Variants in CTNNB1 observed in about 807,000 individuals in gnomAD.
CTNNB1 encodes catenin beta 1.
CTNNB1 carries 6 observed loss-of-function variants against 82.5 expected under a neutral mutation model. The observed-to-expected ratio is 0.07, with a 90% CI of 0.04 to 0.14. The LOEUF (loss-of-function observed/expected upper bound fraction) is 0.14. Ranked by LOEUF, CTNNB1 falls within the 10% of genes least tolerant of loss-of-function variation. CTNNB1 has a pLI of 1.00. For synonymous variants in CTNNB1, 312 were observed against 329.7 expected (o/e 0.95, Z 0.58); for missense variants, 529 against 980.4 (o/e 0.54, Z 6.15).
chr3:41,225,815 C>T lies in CTNNB1; in HGVS notation c.890C>T (p.Thr297Met), dbSNP rs759085197. Reference protein sequence around the residue: ...NKTNVKFLAITTDCLQILAYG... With the variant: ...NKTNVKFLAIMTDCLQILAYG... Reference sequence around the variant, plus strand: ...ACAAATGTTAAATTCTTGGCTATTACGACAGACTGCCTTCAAATTTTAGCT... The same window carrying T: ...ACAAATGTTAAATTCTTGGCTATTATGACAGACTGCCTTCAAATTTTAGCT... The change falls in exon 6 of 15, where the codon ACG (threonine) becomes ATG (methionine). Residue 297 changes from threonine to methionine, a missense_variant. Coordinates refer to ENST00000349496, the MANE Select transcript of CTNNB1 (RefSeq NM_001904.4). The surrounding 1 kb of genome is among the most constrained non-coding windows in gnomAD (Gnocchi z 5.3). The T allele has an allele frequency of 5.6e-6, 9 of 1,613,830 alleles. No homozygotes were observed. Among genetic ancestry groups the T allele is most frequent in the South Asian group, 4.4e-5 (4 of 91,086 alleles).
chr3:41,227,460 T>C (rs1575320507), intron 7 of CTNNB1, 108 bp downstream of exon 7: 1 of 1,184,226 alleles, frequency 8.4e-7, no homozygotes, highest in Non-Finnish European at 1.2e-6. Context: ...AAATAAATGG[T>C]CCTATTCAGT....
At chr3:41,231,124 G>A (rs913414494) in intron 7 of CTNNB1, among the ~76,000 whole-genome samples, 6 of 152,134 alleles carry the variant, frequency 3.9e-5, no homozygotes, top group East Asian at 1.9e-4. Context: ...TCAGGAGATC[G>A]AGACCAGCCT....
intron 1 of CTNNB1, chr3:41,210,920 G>A (rs911223881): frequency 2.2e-5 from 9 of 413,472 alleles, no homozygotes; most frequent in Non-Finnish European, 4.4e-5. Context: ...CTCCCAAGTA[G>A]CTGGGACTAC....
chr3:41,203,818 A>G lies in CTNNB1; in HGVS notation c.-49+4148A>G, dbSNP rs916294680. 9.8e-5 allele frequency among the ~76,000 whole-genome samples: 15 copies of G among 152,332 alleles called. No homozygotes were observed. The South Asian group carries it at 2.9e-3, about 29-fold the overall frequency. ...TAGTAATATTATTTTCTGAAAATCCATGTTTCAAATCAGAATCTAATTAGC... is the reference window on the plus strand; with the variant it reads ...TAGTAATATTATTTTCTGAAAATCCGTGTTTCAAATCAGAATCTAATTAGC... On this transcript the variant is annotated intron_variant, in intron 1 of 14. Coordinates refer to ENST00000349496, the MANE Select transcript of CTNNB1 (RefSeq NM_001904.4).
In CTNNB1 at chr3:41,233,684, T is replaced by A. The variant is rs2125639638; in HGVS notation, c.1341T>A (p.Leu447=). Reference sequence around the variant, plus strand: ...GCCAAGTGGGTGGTATAGAGGCTCTTGTGCGTACTGTCCTTCGGGCTGGTG... The same window carrying A: ...GCCAAGTGGGTGGTATAGAGGCTCTAGTGCGTACTGTCCTTCGGGCTGGTG... ...MVCQVGGIEA[L]VRTVLRAGDR... The change falls in exon 9 of 15, where the codon CTT becomes CTA. Residue 447 remains leucine, a synonymous_variant. Transcript: ENST00000349496. The A allele has an allele frequency of 6.2e-7, 1 of 1,614,160 alleles. No individual in the cohort carries two copies. Among genetic ancestry groups the A allele is most frequent in the East Asian group, 2.2e-5 (1 of 44,864 alleles).
chr3:41,218,049 G>A (rs1320617165), intron 1 of CTNNB1, among the ~76,000 whole-genome samples: 1 of 151,930 alleles, frequency 6.6e-6, no homozygotes, highest in African/African-American at 2.4e-5. Context: ...CATCGATTGG[G>A]CATGGTTTTA....
chr3:41,238,214 T>A lies in CTNNB1; in HGVS notation c.2137+138T>A, dbSNP rs1318390123. On this transcript the variant is annotated intron_variant, in intron 14 of 14. Transcript: ENST00000349496. ...CTTCAATTAAAAGCAGTTCTTAAAT[T>A]CCAGTCAGCAACAGTATCTTTAATG... The A allele has an allele frequency of 5.2e-6, 4 of 771,174 alleles. No homozygotes were observed. The Admixed American group carries it at 7.5e-5, about 14-fold the overall frequency. The allele number at this position is 771,174 out of a possible 1,614,324, so 47.8% of individuals were successfully genotyped here.
At chr3:41,206,117 A>G (rs2077642209) in intron 1 of CTNNB1, among the ~76,000 whole-genome samples, 1 of 152,096 alleles carries the variant, frequency 6.6e-6, no homozygotes, top group South Asian at 2.1e-4. Flanking sequence ...TTTTTCACTA[A>G]TATCCCCACG....
At chr3:41,221,441 A>G (rs1055701972) in intron 1 of CTNNB1, 2 of 151,844 alleles carry the variant, frequency 1.3e-5, no homozygotes, top group Non-Finnish European at 2.9e-5. Context: ...TGAACTCCTA[A>G]GTGATCCTCT....
At chr3:41,226,881 T>C (rs184760671) in intron 6 of CTNNB1, among the ~76,000 whole-genome samples, 48 of 152,328 alleles carry the variant, frequency 3.2e-4, no homozygotes, top group African/African-American at 1.1e-3. Flanking sequence ...GATATAACTT[T>C]CATCTTAGGG....
chr3:41,208,915 C>T (rs1209408460), intron 1 of CTNNB1, among the ~76,000 whole-genome samples: 1 of 152,218 alleles, frequency 6.6e-6, no homozygotes, highest in Admixed American at 6.5e-5. Context: ...CTCACCACCT[C>T]AGTCTCTGCT....
At chr3:41,204,346 G>T (rs1019683743) in intron 1 of CTNNB1, among the ~76,000 whole-genome samples, 11 of 152,078 alleles carry the variant, frequency 7.2e-5, no homozygotes, top group African/African-American at 2.2e-4. Flanking sequence ...AATTGCTACC[G>T]GGGACTTAAT....
At chr3:41,207,873 A>T (rs1159823169) in intron 1 of CTNNB1, among the ~76,000 whole-genome samples, 1 of 152,136 alleles carries the variant, frequency 6.6e-6, no homozygotes, top group African/African-American at 2.4e-5. Flanking sequence ...CCCTTCTTGC[A>T]CACCTTATAA....
rs756632297 is a variant in CTNNB1, at chr3:41,239,149, C to G, written c.2153C>G (p.Ser718Cys). 6.2e-7 allele frequency: 1 copy of G among 1,614,052 alleles called. No homozygotes were observed. Among genetic ancestry groups the G allele is most frequent in the Non-Finnish European group, 8.5e-7 (1 of 1,179,972 alleles). Residue 718 changes from serine (S) to cysteine (C), a missense_variant, in exon 15 of 15, where the codon TCT becomes TGT. By Grantham distance (112) the Ser-to-Cys change is moderately radical. Around this residue, in one of 4 missense-constraint regions of CTNNB1, gnomAD observed 102 missense variants for 130.8 expected, o/e 0.78. Transcript: ENST00000349496. Reference sequence around the variant, plus strand: ...ACTCTTCTAGATCCTAGCTATCGTTCTTTTCACTCTGGTGGATATGGCCAG... The same window carrying G: ...ACTCTTCTAGATCCTAGCTATCGTTGTTTTCACTCTGGTGGATATGGCCAG... The part of the protein sequence containing the change: ...GYRQDDPSYR[S>C]FHSGGYGQDA...
intron 14 of CTNNB1, 53 bp downstream of exon 14, chr3:41,238,129 CTT>C (rs2078484279): frequency 6.5e-7 from 1 of 1,531,820 alleles, no homozygotes; most frequent in Non-Finnish European, 9.0e-7. Flanking sequence ...AGTTCTAAAA[CTT>C]TTATCAGAAG....
rs777221523 is a variant in CTNNB1, at chr3:41,239,155, A to C, written c.2159A>C (p.His720Pro). 9 of 1,613,808 alleles carry C rather than the reference A, an allele frequency of 5.6e-6. No individual in the cohort carries two copies. Among genetic ancestry groups the C allele is most frequent in the East Asian group, 2.2e-5 (1 of 44,862 alleles). Residue 720 changes from histidine (H) to proline (P), a missense_variant, in exon 15 of 15, where the codon CAC becomes CCC. Physicochemically the swap from His to Pro is moderately conservative, Grantham distance 77. Around this residue, in one of 4 missense-constraint regions of CTNNB1, gnomAD observed 102 missense variants for 130.8 expected, o/e 0.78. Transcript: ENST00000349496. ...RQDDPSYRSF[H>P]SGGYGQDALG... ...CTAGATCCTAGCTATCGTTCTTTTC[A>C]CTCTGGTGGATATGGCCAGGATGCC... is the stretch of plus-strand genomic sequence containing the variant.
intron 10 of CTNNB1, chr3:41,235,513 T>G: frequency 3.2e-6 from 2 of 629,320 alleles, no homozygotes; most frequent in East Asian, 2.9e-5. Context: ...TGTTGCACTG[T>G]GTATGGGGGA....
In CTNNB1 at chr3:41,238,239, G is replaced by A. The variant is rs763326790; in HGVS notation, c.2137+163G>A. 9.1e-6 allele frequency: 6 copies of A among 662,632 alleles called. No individual in the cohort carries two copies. In the African/African-American group the frequency reaches 1.1e-4, roughly 12 times the overall value. The allele number at this position is 662,632 out of a possible 1,614,324, so 41.0% of individuals were successfully genotyped here. ...TCCAGTCAGCAACAGTATCTTTAATGGAGCACAGGGAATTCAGAGCCACAC... is the reference window on the plus strand; with the variant it reads ...TCCAGTCAGCAACAGTATCTTTAATAGAGCACAGGGAATTCAGAGCCACAC... On this transcript the variant is annotated intron_variant, in intron 14 of 14. Transcript: ENST00000349496.
intron 1 of CTNNB1, among the ~76,000 whole-genome samples, chr3:41,209,417 A>T (rs1033713414): frequency 5.3e-5 from 8 of 152,156 alleles, no homozygotes; most frequent in Non-Finnish European, 1.2e-4. Context: ...CCGAAATGCA[A>T]TTCTGTCTTT....
Sources: gnomAD v4.1 joint callset for allele counts (sites outside exome capture counted in the v4.1 genomes callset) on GRCh38, gnomAD v4.1.1 for gene constraint, gnomAD v4.1.1 regional missense constraint, Gnocchi (gnomAD v3.1) non-coding constraint, MANE v1.5 for transcripts, NCBI Gene and HGNC (gene_info 2026-07-23, HGNC 2026-07-21) for gene names.